Variants in UNC80 observed in about 807,000 individuals in gnomAD.
UNC80 encodes the protein protein unc-80 homolog.
Under a neutral mutation model 384.6 loss-of-function variants are expected in UNC80, and 164 were observed. That is an observed-to-expected ratio of 0.43 (90% confidence interval 0.38 to 0.49). The LOEUF (loss-of-function observed/expected upper bound fraction) is 0.49, where lower values mean the gene tolerates loss of function less well. Ranked by LOEUF, UNC80 falls within the 20% of genes least tolerant of loss-of-function variation. The pLI is 0.00. For missense variants in UNC80, 3,330 were observed against 4,143.0 expected (o/e 0.80, Z 5.39); for synonymous variants, 1,486 against 1,527.8 (o/e 0.97, Z 0.64).
At chr2:209,807,364 ATTTTT>A (rs11291744) in intron 7 of UNC80, among the ~76,000 whole-genome samples, 1 of 101,108 alleles carries the variant, frequency 9.9e-6, no homozygotes. Flanking sequence ...CCCTCATGTC[ATTTTT>A]TTTTTTTTTT....
intron 29 of UNC80, among the ~76,000 whole-genome samples, chr2:209,912,064 T>A (rs2089012078): frequency 6.6e-6 from 1 of 152,234 alleles, no homozygotes; most frequent in South Asian, 2.1e-4. Flanking sequence ...TTTAACTTCC[T>A]AACACTTCTC....
At chr2:209,818,947 G>A (rs369875944) in intron 11 of UNC80, 46 bp from the exon 12 acceptor site, 1 of 1,530,694 alleles carries the variant, frequency 6.5e-7, no homozygotes, top group African/African-American at 1.4e-5. Context: ...AACTGGTATT[G>A]TAGGTTAATG....
Position 209,844,825 on chromosome 2 carries a change from ACTC to A in UNC80, c.3454+2382_3454+2384del, listed in dbSNP as rs1475036919. Among the ~76,000 whole-genome samples the A allele has an allele frequency of 6.2e-4, 93 of 150,286 alleles. 2 individuals carry two copies. On this transcript the variant is annotated intron_variant, in intron 21 of 64. Coordinates refer to ENST00000673920, the MANE Select transcript of UNC80 (RefSeq NM_001371986.1). ...GCTATGTTGCCCAGGCTGGTCTTGAACTCCTGGCCTCAAGTGATCCTCCTACCT... is the reference window on the plus strand; with the variant it reads ...GCTATGTTGCCCAGGCTGGTCTTGAACTGGCCTCAAGTGATCCTCCTACCT...
At chr2:209,853,649 T>G (rs2082689538) in intron 22 of UNC80, among the ~76,000 whole-genome samples, 1 of 152,016 alleles carries the variant, frequency 6.6e-6, no homozygotes, top group African/African-American at 2.4e-5. Context: ...AAAAAGAAAA[T>G]AAAAAGAAAA....
intron 11 of UNC80, among the ~76,000 whole-genome samples, chr2:209,818,276 C>A (rs141846590): frequency 0.012 from 1,811 of 152,162 alleles, 39 homozygotes; most frequent in African/African-American, 0.04. Context: ...TCTATGAGAT[C>A]TCTCTGAAGG....
chr2:209,777,888 C>A (rs1559074452), intron 4 of UNC80, among the ~76,000 whole-genome samples: 1 of 152,158 alleles, frequency 6.6e-6, no homozygotes, highest in Non-Finnish European at 1.5e-5. Flanking sequence ...TACTGGCCAC[C>A]TCATGATCCA....
chr2:209,935,871 TC>T (rs1326877337), intron 40 of UNC80, 63 bp downstream of exon 40: 1 of 995,146 alleles, frequency 1.0e-6, no homozygotes, highest in African/African-American at 1.7e-5. Flanking sequence ...TCACTGAAGA[TC>T]CATTTTAGAA....
intron 26 of UNC80, among the ~76,000 whole-genome samples, 152 bp downstream of exon 26, chr2:209,888,412 T>C (rs1036119395): frequency 6.6e-6 from 1 of 152,170 alleles, no homozygotes; most frequent in African/African-American, 2.4e-5. Context: ...ATCATGCTTG[T>C]TAGAAGTTGG....
At chr2:209,949,667 G>C (rs1384190355) in intron 47 of UNC80, among the ~76,000 whole-genome samples, 1 of 152,004 alleles carries the variant, frequency 6.6e-6, no homozygotes, top group African/African-American at 2.4e-5. Flanking sequence ...TAGTAGACAT[G>C]GGGTTTCACC....
chr2:209,831,502 G>A lies in UNC80; in HGVS notation c.2686G>A (p.Val896Met). The change falls in exon 16 of 65, where the codon GTG becomes ATG. Residue 896 changes from valine to methionine, a missense_variant. Coordinates refer to ENST00000673920, the MANE Select transcript of UNC80 (RefSeq NM_001371986.1). The stretch of plus-strand genomic sequence containing the variant: ...GGACAACAAATCCACAGCCCAAAAT[G>A]TGGAAGGCATTATCGTCAGCGCCAT... ...TVDNKSTAQN[V>M]EGIIVSAMFK... The A allele has an allele frequency of 2.6e-6, 4 of 1,551,408 alleles. No individual in the cohort carries two copies. The highest frequency in any genetic ancestry group is 3.5e-6 in the Non-Finnish European group (4 of 1,146,846).
At chr2:209,949,961 G>A (rs748009228) in intron 47 of UNC80, among the ~76,000 whole-genome samples, 12 of 151,870 alleles carry the variant, frequency 7.9e-5, no homozygotes, top group African/African-American at 1.9e-4. Context: ...CCAAGTAGCC[G>A]GCACTACAGG....
In UNC80 at chr2:209,976,814, T is replaced by A; in HGVS notation, c.8773-99T>A. The A allele has an allele frequency of 7.6e-7, 1 of 1,314,970 alleles. No homozygotes were observed. The highest frequency in any genetic ancestry group is 1.0e-6 in the Non-Finnish European group (1 of 979,854). 81.5% of individuals were successfully genotyped at this position (1,314,970 alleles called of 1,614,324 possible). A position where few individuals can be genotyped will look rare whatever the true frequency, so the allele number is the denominator to read the frequency against. The stretch of plus-strand genomic sequence containing the variant: ...GCCGTTCTAGGAACATCACATGCAT[T>A]ACCTTATTTATTCCTCACAACAATG... On this transcript the variant is annotated intron_variant, in intron 57 of 64. Transcript: ENST00000673920. This position sits in a 1 kb window ranked among gnomAD's most constrained non-coding sequence, Gnocchi z 4.3.
intron 26 of UNC80, among the ~76,000 whole-genome samples, chr2:209,889,303 C>T (rs746593862): frequency 4.6e-5 from 7 of 152,090 alleles, no homozygotes; most frequent in Non-Finnish European, 1.0e-4. Flanking sequence ...AGTGTTACAG[C>T]GTTTACAGAA....
At chr2:209,806,650 T>C (rs943271053) in intron 7 of UNC80, among the ~76,000 whole-genome samples, 1 of 152,242 alleles carries the variant, frequency 6.6e-6, no homozygotes, top group Non-Finnish European at 1.5e-5. Context: ...AAGAGAACTT[T>C]AATAACAAAA....
chr2:209,834,840 T>C (rs368599598), intron 17 of UNC80, 72 bp from the exon 18 acceptor site: 5 of 1,260,134 alleles, frequency 4.0e-6, no homozygotes, highest in African/African-American at 1.5e-5. Flanking sequence ...TGTTTTGTTT[T>C]ATGAAGTGTA....
At chr2:209,990,333 A>G (rs1479566352) in intron 61 of UNC80, among the ~76,000 whole-genome samples, 1 of 152,206 alleles carries the variant, frequency 6.6e-6, no homozygotes, top group Non-Finnish European at 1.5e-5. Context: ...TTAGTATTCT[A>G]GAAGCAATAA....
intron 31 of UNC80, 146 bp from the exon 32 acceptor site, chr2:209,917,631 G>C (rs1028036475): frequency 1.1e-6 from 1 of 872,324 alleles, no homozygotes; most frequent in African/African-American, 1.7e-5. Context: ...GTACAAAGAA[G>C]GTTTGCTTTT....
At chr2:209,793,143 G>A (rs2077931329) in intron 6 of UNC80, among the ~76,000 whole-genome samples, 1 of 152,130 alleles carries the variant, frequency 6.6e-6, no homozygotes, top group Admixed American at 6.5e-5. Flanking sequence ...CATCACCTGG[G>A]CAGAATTACA....
chr2:209,831,850 A>G (rs1334099839), intron 16 of UNC80, among the ~76,000 whole-genome samples: 2 of 152,172 alleles, frequency 1.3e-5, no homozygotes, highest in Admixed American at 1.3e-4. Flanking sequence ...GTTTGGTGAA[A>G]TAATTGTAAA....
Sources: gnomAD v4.1 joint callset for allele counts (sites outside exome capture counted in the v4.1 genomes callset) on GRCh38, gnomAD v4.1.1 for gene constraint, Gnocchi (gnomAD v3.1) non-coding constraint, MANE v1.5 for transcripts, NCBI Gene and HGNC (gene_info 2026-07-23, HGNC 2026-07-21) for gene names.